Variants in NDST2 observed in about 807,000 individuals in gnomAD.
The protein encoded by NDST2 is bifunctional heparan sulfate N-deacetylase/N-sulfotransferase 2.
NDST2 carries 32 observed loss-of-function variants against 86.9 expected under a neutral mutation model. The observed-to-expected ratio is 0.37, with a 90% CI of 0.28 to 0.49. The LOEUF (loss-of-function observed/expected upper bound fraction) is 0.49. Ranked by LOEUF, NDST2 falls within the 20% of genes least tolerant of loss-of-function variation. NDST2 has a pLI of 0.97. For missense variants in NDST2, 950 were observed against 1,146.9 expected (o/e 0.83, Z 2.48); for synonymous variants, 409 against 437.0 (o/e 0.94, Z 0.80).
chr10:73,805,982 T>C lies in NDST2; in HGVS notation c.1481A>G (p.Tyr494Cys), dbSNP rs1313589672. ...TCGLFTHTIF[Y>C]NEYPGGSREL... ...ACGAGAGCCTCCAGGATACTCATTA[T>C]AGAAGATTGTGTGAGTGAAGAGGCC... The change falls in exon 7 of 15, where the codon TAT becomes TGT. Residue 494 changes from tyrosine to cysteine, a missense_variant. Around this residue, in one of 5 missense-constraint regions of NDST2, gnomAD observed 586 missense variants for 714.0 expected, o/e 0.82. Coordinates refer to ENST00000309979, the MANE Select transcript of NDST2 (RefSeq NM_003635.4). 6.2e-7 allele frequency: 1 copy of C among 1,614,190 alleles called. No homozygotes were observed. Among genetic ancestry groups the C allele is most frequent in the Non-Finnish European group, 8.5e-7 (1 of 1,180,032 alleles).
rs764596905 is a variant in NDST2, at chr10:73,804,804, C to G, written c.1812G>C (p.Pro604=). 6.2e-7 allele frequency: 1 copy of G among 1,613,074 alleles called. No individual in the cohort carries two copies. The highest frequency in any genetic ancestry group is 1.7e-5 in the Admixed American group (1 of 59,962). Residue 604 remains proline (P), a synonymous_variant, in exon 9 of 15, where the codon CCG becomes CCC. Transcript: ENST00000309979. ...TCTGGGGTCCCACAATGAGGAACTT[C>G]GGGAGACGATCACAGGTTTTCTCCT... ...WSKEKTCDRL[P]KFLIVGPQKT...
rs2084117488 is a variant in NDST2, at chr10:73,807,147, T to C, written c.1054A>G (p.Thr352Ala). The change falls in exon 4 of 15, where the codon ACC becomes GCC. Residue 352 changes from threonine to alanine, a missense_variant. By Grantham distance (58) the Thr-to-Ala change is moderately conservative. Around this residue, in one of 5 missense-constraint regions of NDST2, gnomAD observed 586 missense variants for 714.0 expected, o/e 0.82. Transcript: ENST00000309979. ...NKLRTLVPNF[T>A]FNLGFSGKFY... ...TTGCCCGAGAAGCCCAAGTTGAAGG[T>C]GAAGTTGGGAACTAAGGTCCTGAGT... 1 of 1,613,064 alleles carries C rather than the reference T, an allele frequency of 6.2e-7. No individual in the cohort carries two copies. Among genetic ancestry groups the C allele is most frequent in the African/African-American group, 1.3e-5 (1 of 74,552 alleles).
chr10:73,810,473 T>A (rs1362840339), intron 2 of NDST2, among the ~76,000 whole-genome samples: 3 of 151,178 alleles, frequency 2.0e-5, no homozygotes, highest in African/African-American at 4.9e-5. Flanking sequence ...AAAATAAAAA[T>A]AAAAATAAAA....
At position 73,807,843 on chromosome 10, in the gene NDST2, G is replaced by A. The variant is rs762790284; in HGVS notation, c.546C>T (p.Ala182=). Residue 182 remains alanine, a synonymous_variant, in exon 3 of 15, where the codon GCC becomes GCT. Transcript: ENST00000309979. The part of the protein sequence containing the change: ...FRAHEHSLLS[A]QLKGFPLFLH... ...AAAAAAGGGGAAAGCCCTTGAGCTG[G>A]GCGCTCAGTAGGCTGTGCTCGTGGG... is the stretch of plus-strand genomic sequence containing the variant. 7 of 1,614,164 alleles carry A rather than the reference G, an allele frequency of 4.3e-6. No individual in the cohort carries two copies. The highest frequency in any genetic ancestry group is 3.3e-5 in the South Asian group (3 of 91,074).
rs760113650 is a variant in NDST2 at position 73,803,597 on chromosome 10, C to T, written c.2119G>A (p.Asp707Asn). ...ACCTGGTACCAGGAGTAGGCCCTGT[C>T]AGCAGGGTTGGTGAGCACTGTGATG... ...KIITVLTNPADRAYSWYQHQR... is the reference protein window; with the variant it reads ...KIITVLTNPANRAYSWYQHQR... Residue 707 changes from aspartate to asparagine, a missense_variant, in exon 11 of 15, where the codon GAC (aspartate) becomes AAC (asparagine). Around this residue, in one of 5 missense-constraint regions of NDST2, gnomAD observed 303 missense variants for 323.7 expected, o/e 0.94. Transcript: ENST00000309979. 6 of 1,606,874 alleles carry T rather than the reference C, an allele frequency of 3.7e-6. No homozygotes were observed. The highest frequency in any genetic ancestry group is 4.3e-6 in the Non-Finnish European group (5 of 1,176,318).
chr10:73,804,702 A>G (rs2132863636), intron 9 of NDST2, 71 bp downstream of exon 9: 1 of 893,176 alleles, frequency 1.1e-6, no homozygotes, highest in East Asian at 2.6e-5. Context: ...TGGAGAGAGA[A>G]GAGAGTTCCT....
At position 73,808,743 on chromosome 10, in the gene NDST2, A is replaced by C. The variant is rs1420707506; in HGVS notation, c.-341-14T>G. On this transcript the variant is annotated splice_polypyrimidine_tract_variant and intron_variant, in intron 2 of 14. Transcript: ENST00000309979. This position sits in a 1 kb window ranked among gnomAD's most constrained non-coding sequence, Gnocchi z 4.3. ...CTTCCCCTCTACCTGTAAGACAGAG[A>C]AATCAGTGGGTTACTCCTCCCTCTG... 2 of 219,838 alleles carry C rather than the reference A, an allele frequency of 9.1e-6. No individual in the cohort carries two copies. Among genetic ancestry groups the C allele is most frequent in the Non-Finnish European group, 1.8e-5 (2 of 109,686 alleles). 13.6% of individuals were successfully genotyped at this position (219,838 alleles called of 1,614,324 possible).
At chr10:73,803,517 T>TGGGGGGGGGGGGGGGGGGGGGGGG in intron 11 of NDST2, 57 bp downstream of exon 11, 7 of 1,189,254 alleles carry the variant, frequency 5.9e-6, no homozygotes, top group East Asian at 2.5e-5. Flanking sequence ...TAGCAGTCAC[T>TGGGGGGGGGGGGGGGGGGGGGGGG]GTCCCCTCCC....
Position 73,806,641 on chromosome 10 carries a change from G to A in NDST2, c.1248+16C>T. On this transcript the variant is annotated intron_variant, in intron 5 of 14. Coordinates refer to ENST00000309979, the MANE Select transcript of NDST2 (RefSeq NM_003635.4). The surrounding 1 kb of genome is among the most constrained non-coding windows in gnomAD (Gnocchi z 4.5). ...TGGCTGGGAGAAATTATGGGGAAGA[G>A]ATCCAAGGGTCTCACCAGAGCAAAC... is the stretch of plus-strand genomic sequence containing the variant. 1 of 1,608,444 alleles carries A rather than the reference G, an allele frequency of 6.2e-7. No individual in the cohort carries two copies. The highest frequency in any genetic ancestry group is 8.5e-7 in the Non-Finnish European group (1 of 1,175,218).
Position 73,803,967 on chromosome 10 carries a change from G to C in NDST2, c.1893C>G (p.Ser631Arg). The C allele has an allele frequency of 6.2e-7, 1 of 1,614,136 alleles. No homozygotes were observed. Among genetic ancestry groups the C allele is most frequent in the Non-Finnish European group, 8.5e-7 (1 of 1,180,016 alleles). Residue 631 changes from serine (S) to arginine (R), a missense_variant, in exon 10 of 15, where the codon AGC becomes AGG. By Grantham distance (110) the Ser-to-Arg change is moderately radical. Around this residue, in one of 5 missense-constraint regions of NDST2, gnomAD observed 303 missense variants for 323.7 expected, o/e 0.94. Coordinates refer to ENST00000309979, the MANE Select transcript of NDST2 (RefSeq NM_003635.4). ...FFLSLHPAVT[S>R]SFPSPSTFEE... ...CAAATGTGCTGGGGCTAGGGAAGCT[G>C]CTAGTTACAGCTGGGTGCAGGCTCA...
Position 73,808,604 on chromosome 10 carries a change from T to G in NDST2, c.-216A>C. The stretch of plus-strand genomic sequence containing the variant: ...CAGGGGGCAACTATACAGAGTCCAC[T>G]TGTCTCAGGTCACCATGGCCCCCTG... On this transcript the variant is annotated 5_prime_UTR_variant, in exon 3 of 15. Coordinates refer to ENST00000309979, the MANE Select transcript of NDST2 (RefSeq NM_003635.4). This position sits in a 1 kb window ranked among gnomAD's most constrained non-coding sequence, Gnocchi z 4.3. The G allele has an allele frequency of 1.9e-6, 1 of 523,606 alleles. No homozygotes were observed. The highest frequency in any genetic ancestry group is 3.4e-6 in the Non-Finnish European group (1 of 296,296). 32.4% of individuals were successfully genotyped at this position (523,606 alleles called of 1,614,324 possible). A position where few individuals can be genotyped will look rare whatever the true frequency, so the allele number is the denominator to read the frequency against.
At position 73,806,873 on chromosome 10, in the gene NDST2, T is replaced by C; in HGVS notation, c.1094-62A>G. ...AGCCCCTGTTCCCTCCTTTATTTTG[T>C]AACAACACTGACCACCTTCCATCCC... On this transcript the variant is annotated intron_variant, in intron 4 of 14. Transcript: ENST00000309979. The surrounding 1 kb of genome is among the most constrained non-coding windows in gnomAD (Gnocchi z 4.5). The C allele has an allele frequency of 6.3e-7, 1 of 1,590,890 alleles. No homozygotes were observed. The highest frequency in any genetic ancestry group is 8.6e-7 in the Non-Finnish European group (1 of 1,164,232).
chr10:73,802,267 G>A lies in NDST2; in HGVS notation c.*184C>T, dbSNP rs1403697896. ...ACTATTATGTGGGGTACCAAAGGAA[G>A]CCCCTTTATTTGTCCCAGAACTGTG... On this transcript the variant is annotated 3_prime_UTR_variant, in exon 15 of 15. Transcript: ENST00000309979. 7 of 644,172 alleles carry A rather than the reference G, an allele frequency of 1.1e-5. No individual in the cohort carries two copies. In the African/African-American group the frequency reaches 1.3e-4, roughly 12 times the overall value. The allele number at this position is 644,172 out of a possible 1,614,324, so 39.9% of individuals were successfully genotyped here. A position where few individuals can be genotyped will look rare whatever the true frequency, so the allele number is the denominator to read the frequency against.
At chr10:73,802,868 G>C (rs2084018844) in intron 13 of NDST2, 92 bp from the exon 14 acceptor site, 1 of 1,510,776 alleles carries the variant, frequency 6.6e-7, no homozygotes, top group African/African-American at 1.4e-5. Context: ...ACAGGGACAT[G>C]TCTCTCCTTG....
Position 73,803,974 on chromosome 10 carries a change from A to G in NDST2, c.1886T>C (p.Val629Ala), listed in dbSNP as rs2084055254. ...GCTGGGGCTAGGGAAGCTGCTAGTTACAGCTGGGTGCAGGCTCAGGAAGAA... is the reference window on the plus strand; with the variant it reads ...GCTGGGGCTAGGGAAGCTGCTAGTTGCAGCTGGGTGCAGGCTCAGGAAGAA... ...IHFFLSLHPA[V>A]TSSFPSPSTF... Residue 629 changes from valine (V) to alanine (A), a missense_variant, in exon 10 of 15, where the codon GTA (valine) becomes GCA (alanine). Physicochemically the swap from Val to Ala is moderately conservative, Grantham distance 64. Around this residue, in one of 5 missense-constraint regions of NDST2, gnomAD observed 303 missense variants for 323.7 expected, o/e 0.94. Coordinates refer to ENST00000309979, the MANE Select transcript of NDST2 (RefSeq NM_003635.4). 3 of 1,614,008 alleles carry G rather than the reference A, an allele frequency of 1.9e-6. No individual in the cohort carries two copies. In the African/African-American group the frequency reaches 4.0e-5, roughly 22 times the overall value.
Position 73,810,864 on chromosome 10 carries a change from C to T in NDST2, c.-407G>A, listed in dbSNP as rs929091777. ...GATTCGACGTCAGGCCTGTCAAGCT[C>T]CAGAGCCGCGTTCTTAGCCGCTGCA... On this transcript the variant is annotated 5_prime_UTR_variant, in exon 2 of 15. It introduces an in-frame stop codon into an upstream open reading frame of the 5' UTR. Coordinates refer to ENST00000309979, the MANE Select transcript of NDST2 (RefSeq NM_003635.4). The T allele has an allele frequency of 5.0e-6, 2 of 399,040 alleles. No homozygotes were observed. The highest frequency in any genetic ancestry group is 8.8e-6 in the Non-Finnish European group (2 of 226,106). 24.7% of individuals were successfully genotyped at this position (399,040 alleles called of 1,614,324 possible).
chr10:73,802,810 GA>G (rs1314568140), intron 13 of NDST2, 34 bp from the exon 14 acceptor site: 1 of 1,598,954 alleles, frequency 6.3e-7, no homozygotes, highest in Non-Finnish European at 8.6e-7. Context: ...AGGTGGCAGG[GA>G]AAAGAGAAAC....
chr10:73,805,876 T>C (rs1357281186), intron 7 of NDST2, 24 bp downstream of exon 7: 1 of 1,614,128 alleles, frequency 6.2e-7, no homozygotes, highest in East Asian at 2.2e-5. Flanking sequence ...TCCAATCTTC[T>C]AGCCGTTCCT....
chr10:73,804,841 T>A lies in NDST2; in HGVS notation c.1775A>T (p.Asp592Val). 1 of 1,611,828 alleles carries A rather than the reference T, an allele frequency of 6.2e-7. No individual in the cohort carries two copies. Among genetic ancestry groups the A allele is most frequent in the Non-Finnish European group, 8.5e-7 (1 of 1,178,842 alleles). ...QNPCDDKRHK[D>V]IWSKEKTCDR... ...ACAGGTTTTCTCCTTGGACCAGATATCTTTGTGCCTCTTGTCATCACAGGG... is the reference window on the plus strand; with the variant it reads ...ACAGGTTTTCTCCTTGGACCAGATAACTTTGTGCCTCTTGTCATCACAGGG... The change falls in exon 9 of 15, where the codon GAT becomes GTT. Residue 592 changes from aspartate (D) to valine (V), a missense_variant. Transcript: ENST00000309979.
Sources: allele counts gnomAD v4.1 joint callset (sites outside exome capture counted in the v4.1 genomes callset), GRCh38; gene constraint gnomAD v4.1.1; regional missense constraint gnomAD v4.1.1; non-coding constraint Gnocchi (gnomAD v3.1); transcripts MANE v1.5; gene names NCBI Gene and HGNC (gene_info 2026-07-23, HGNC 2026-07-21).